The following FLCN variants were observed in gnomAD, a reference collection of about 807,000 sequenced individuals.
The protein encoded by FLCN is BHD skin lesion fibrofolliculoma protein.
FLCN carries 22 observed loss-of-function variants against 62.5 expected under a neutral mutation model. That is an observed-to-expected ratio of 0.35 (90% CI 0.25 to 0.50). The LOEUF is 0.50. Among genes scored for constraint, FLCN ranks in the 20% least tolerant of loss-of-function variants. The probability of loss-of-function intolerance (pLI) is 0.97; values close to 1 mark genes in which losing one functional copy is unlikely to be tolerated. For synonymous variants in FLCN, 319 were observed against 310.0 expected (o/e 1.03, Z -0.30); for missense variants, 657 against 778.0 (o/e 0.84, Z 1.85).
At position 17,224,006 on chromosome 17, in the gene FLCN, G is replaced by A. The variant is rs1597606800; in HGVS notation, c.534C>T (p.Asp178=). The part of the protein sequence containing the change: ...RWYSIITIMM[D]RIYLINSWPF... ...GCCAGGAGTTGATGAGGTAGATCCGGTCCATCATGATGGTGATGATGCTGT... is the reference window on the plus strand; with the variant it reads ...GCCAGGAGTTGATGAGGTAGATCCGATCCATCATGATGGTGATGATGCTGT... The change falls in exon 6 of 14, where the codon GAC becomes GAT. Residue 178 remains aspartate, a synonymous_variant. Transcript: ENST00000285071. The A allele has an allele frequency of 3.1e-6, 5 of 1,613,758 alleles. No individual in the cohort carries two copies. The highest frequency in any genetic ancestry group is 2.2e-5 in the South Asian group (2 of 91,088).
At chr17:17,223,783 A>G (rs1270404688) in intron 6 of FLCN, 139 bp downstream of exon 6, 18 of 877,464 alleles carry the variant, frequency 2.1e-5, no homozygotes, top group Non-Finnish European at 2.5e-5. Context: ...TCTGAAGCCA[A>G]GAGACTACAA....
chr17:17,213,238 T>C lies in FLCN; in HGVS notation c.*417A>G. ...ACCCTCAAACATAAGGCCCAGAAAC[T>C]CTTGCTGAATTTCAAAGTAGAAACG... On this transcript the variant is annotated 3_prime_UTR_variant, in exon 14 of 14. Transcript: ENST00000285071. 1 of 393,218 alleles carries C rather than the reference T, an allele frequency of 2.5e-6. No individual in the cohort carries two copies. The highest frequency in any genetic ancestry group is 4.8e-6 in the Non-Finnish European group (1 of 209,948). 24.4% of individuals were successfully genotyped at this position (393,218 alleles called of 1,614,324 possible). A position where few individuals can be genotyped will look rare whatever the true frequency, so the allele number is the denominator to read the frequency against.
intron 7 of FLCN, 83 bp downstream of exon 7, chr17:17,222,418 C>T (rs1193421550): frequency 6.3e-7 from 1 of 1,591,850 alleles, no homozygotes; most frequent in South Asian, 1.1e-5. Context: ...AAGGACTGTT[C>T]TCCCAAATCC....
Position 17,227,715 on chromosome 17 carries a change from AAAAACAAAAC to A in FLCN, c.249+164_249+173del, listed in dbSNP as rs930172027. On this transcript the variant is annotated intron_variant, in intron 4 of 13. Coordinates refer to ENST00000285071, the MANE Select transcript of FLCN (RefSeq NM_144997.7). ...AATAAGAGCAAAACTCTGTCTCAAA[AAAAACAAAAC>A]AAAACAAAACAAAAGCTACAGTCAG... 5.3e-3 allele frequency among the ~76,000 whole-genome samples: 800 copies of A among 152,276 alleles called. 17 individuals are homozygous for A. Among genetic ancestry groups the A allele is most frequent in the Middle Eastern group, 3.4e-3 (1 of 294 alleles).
chr17:17,224,552 T>G (rs535578679), intron 5 of FLCN: 2 of 341,300 alleles, frequency 5.9e-6, no homozygotes, highest in East Asian at 1.2e-4. Flanking sequence ...TTTCTTTATT[T>G]GAGATGGAGT....
In FLCN at chr17:17,216,255, G is replaced by GGAAGCT; in HGVS notation, c.1300+119_1300+124dup. ...GAACACGGAGGCCCAGAGCCATGGG[G>GGAAGCT]GAAGCTGGCCCTGCAATGAGGCCTC... On this transcript the variant is annotated intron_variant, in intron 11 of 13. Coordinates refer to ENST00000285071, the MANE Select transcript of FLCN (RefSeq NM_144997.7). This position sits in a 1 kb window ranked among gnomAD's most constrained non-coding sequence, Gnocchi z 4.0. 1 of 1,395,276 alleles carries GGAAGCT rather than the reference G, an allele frequency of 7.2e-7. No individual in the cohort carries two copies. Among genetic ancestry groups the GGAAGCT allele is most frequent in the Non-Finnish European group, 9.7e-7 (1 of 1,025,798 alleles). 86.4% of individuals were successfully genotyped at this position (1,395,276 alleles called of 1,614,324 possible). A position where few individuals can be genotyped will look rare whatever the true frequency, so the allele number is the denominator to read the frequency against.
Position 17,213,780 on chromosome 17 carries a change from G to C in FLCN, c.1615C>G (p.Leu539Val), listed in dbSNP as rs2144810386. Residue 539 changes from leucine to valine, a missense_variant, in exon 14 of 14, where the codon CTG becomes GTG. Physicochemically the swap from Leu to Val is conservative, Grantham distance 32. Transcript: ENST00000285071. ...KEDTQKLLSI[L>V]GASEEDNVKL... ...ACATTGTCCTCCTCGGACGCACCCA[G>C]GATGCTCAGCAGCTTCTGTGTGTCC... The C allele has an allele frequency of 6.2e-7, 1 of 1,614,232 alleles. No homozygotes were observed. Among genetic ancestry groups the C allele is most frequent in the Non-Finnish European group, 8.5e-7 (1 of 1,180,042 alleles).
At position 17,224,294 on chromosome 17, in the gene FLCN, GACTGT is replaced by G. The variant is rs566669240; in HGVS notation, c.397-156_397-152del. 2.7e-3 allele frequency: 1,953 copies of G among 718,178 alleles called. 8 individuals are homozygous for G. The highest frequency in any genetic ancestry group is 4.0e-3 in the Non-Finnish European group (1,646 of 410,092). The allele number at this position is 718,178 out of a possible 1,614,324, so 44.5% of individuals were successfully genotyped here. On this transcript the variant is annotated intron_variant, in intron 5 of 13. Transcript: ENST00000285071. ...CACAGTGGGGGCCATGAGAGCCGAA[GACTGT>G]ACTCTTCTGCTCCTGTGATCAAGCT...
In FLCN at chr17:17,216,307, G is replaced by A. The variant is rs959478694; in HGVS notation, c.1300+73C>T. Reference sequence around the variant, plus strand: ...TCTCCACAACCCATGACAGAGATCTGGTTCCACTTTGGGCCTGAGGCGTGG... The same window carrying A: ...TCTCCACAACCCATGACAGAGATCTAGTTCCACTTTGGGCCTGAGGCGTGG... On this transcript the variant is annotated intron_variant, in intron 11 of 13. Transcript: ENST00000285071. The surrounding 1 kb of genome is among the most constrained non-coding windows in gnomAD (Gnocchi z 4.0). The A allele has an allele frequency of 2.6e-5, 41 of 1,598,206 alleles. No individual in the cohort carries two copies. Among genetic ancestry groups the A allele is most frequent in the Non-Finnish European group, 3.2e-5 (38 of 1,171,642 alleles).
intron 5 of FLCN, 190 bp from the exon 6 acceptor site, chr17:17,224,333 C>T (rs144830525): frequency 6.7e-4 from 417 of 626,252 alleles, no homozygotes; most frequent in African/African-American, 6.0e-3. Flanking sequence ...CTTCCAACAA[C>T]ACTTGTCATT....
Position 17,216,828 on chromosome 17 carries a change from G to T in FLCN, c.1176+241C>A. 1.6e-6 allele frequency: 1 copy of T among 613,448 alleles called. No homozygotes were observed. The allele number at this position is 613,448 out of a possible 1,614,324, so 38.0% of individuals were successfully genotyped here. On this transcript the variant is annotated intron_variant, in intron 10 of 13. Transcript: ENST00000285071. This position sits in a 1 kb window ranked among gnomAD's most constrained non-coding sequence, Gnocchi z 4.0. ...ACAAAGAAGCTTTTACCAAGACTGTGTCATATGCATTTTTGTTCCCTCTCA... is the reference window on the plus strand; with the variant it reads ...ACAAAGAAGCTTTTACCAAGACTGTTTCATATGCATTTTTGTTCCCTCTCA...
At chr17:17,215,486 G>A (rs1358721885) in intron 11 of FLCN, among the ~76,000 whole-genome samples, 170 bp from the exon 12 acceptor site, 1 of 152,196 alleles carries the variant, frequency 6.6e-6, no homozygotes, top group African/African-American at 2.4e-5. Context: ...CAGGTTATTC[G>A]TGAATAGTTA....
intron 1 of FLCN, among the ~76,000 whole-genome samples, chr17:17,234,670 CCT>C (rs1416848316): frequency 2.7e-4 from 41 of 150,866 alleles, no homozygotes; most frequent in African/African-American, 1.0e-3. Flanking sequence ...ATGGTGAAAC[CCT>C]GTCTCTACTA....
At chr17:17,223,815 A>C in intron 6 of FLCN, 107 bp downstream of exon 6, 1 of 1,117,742 alleles carries the variant, frequency 8.9e-7, no homozygotes, top group South Asian at 1.3e-5. Context: ...CACTGGCTGT[A>C]AGCAGAGGGG....
Position 17,217,375 on chromosome 17 carries a change from C to T in FLCN, c.1063-193G>A, listed in dbSNP as rs1440805222. ...GGCAGAGAGAGAAGTTCCAGGTTTG[C>T]ACATAAATGCTAGATTCCAAAGCTC... is the stretch of plus-strand genomic sequence containing the variant. On this transcript the variant is annotated intron_variant, in intron 9 of 13. Transcript: ENST00000285071. The T allele has an allele frequency of 8.1e-6, 5 of 619,552 alleles. No homozygotes were observed. In the African/African-American group the frequency reaches 9.2e-5, roughly 11 times the overall value. The allele number at this position is 619,552 out of a possible 1,614,324, so 38.4% of individuals were successfully genotyped here. A position where few individuals can be genotyped will look rare whatever the true frequency, so the allele number is the denominator to read the frequency against.
At chr17:17,223,100 C>CTTT in intron 6 of FLCN, 3 of 256,354 alleles carry the variant, frequency 1.2e-5, no homozygotes, top group South Asian at 4.1e-5. Context: ...TTTTTCCTTT[C>CTTT]TTTTTTTTTT....
In FLCN at chr17:17,225,929, A is replaced by G. The variant is rs1454127699; in HGVS notation, c.396+247T>C. On this transcript the variant is annotated intron_variant, in intron 5 of 13. Coordinates refer to ENST00000285071, the MANE Select transcript of FLCN (RefSeq NM_144997.7). ...TAATAATAAAGAAAGGACAAATAAT[A>G]AAAGTTCGGTGCTTAAAGTGCAAAA... 3 of 639,814 alleles carry G rather than the reference A, an allele frequency of 4.7e-6. No homozygotes were observed. The African/African-American group carries it at 5.5e-5, about 12-fold the overall frequency. 39.6% of individuals were successfully genotyped at this position (639,814 alleles called of 1,614,324 possible).
At chr17:17,218,989 C>A in intron 9 of FLCN, 30 bp downstream of exon 9, 1 of 1,610,808 alleles carries the variant, frequency 6.2e-7, no homozygotes, top group South Asian at 1.1e-5. Context: ...TCCTCCTGAG[C>A]TCCTGATGCG....
Position 17,233,785 on chromosome 17 carries a change from G to A in FLCN, c.-227-884C>T, listed in dbSNP as rs1187733098. ...GTCACCCAGGCTGGAGTGCAATGGC[G>A]TGATCTCAGCTCACTGCAACCTCTG... On this transcript the variant is annotated intron_variant, in intron 1 of 13. Coordinates refer to ENST00000285071, the MANE Select transcript of FLCN (RefSeq NM_144997.7). 3.7e-5 allele frequency among the ~76,000 whole-genome samples: 5 copies of A among 136,506 alleles called. No homozygotes were observed. The South Asian group carries it at 7.2e-4, about 20-fold the overall frequency. The allele number at this position is 136,506 out of a possible 152,430, so 89.6% of individuals were successfully genotyped here.
Sources: gnomAD v4.1 joint callset for allele counts (sites outside exome capture counted in the v4.1 genomes callset) on GRCh38, gnomAD v4.1.1 for gene constraint, Gnocchi (gnomAD v3.1) non-coding constraint, MANE v1.5 for transcripts, NCBI Gene and HGNC (gene_info 2026-07-23, HGNC 2026-07-21) for gene names.